GSE1: variants seen among roughly 807,000 people sequenced by gnomAD.
The protein encoded by GSE1 is genetic suppressor element 1.
In GSE1, 32 loss-of-function variants were observed where a neutral mutation model predicts 112.6. The ratio of observed to expected loss-of-function variants is 0.28; its 90% confidence interval spans 0.21 to 0.38. The LOEUF (loss-of-function observed/expected upper bound fraction) is 0.38. GSE1 is among the 10% of genes least tolerant of loss of function. GSE1 has a pLI of 1.00. For missense variants in GSE1, 2,348 were observed against 1,699.2 expected (o/e 1.38, Z -6.71); for synonymous variants, 1,115 against 735.6 (o/e 1.52, Z -8.35).
At chr16:85,526,861 G>A (rs576727115) in intron 2 of GSE1, among the ~76,000 whole-genome samples, 2 of 152,378 alleles carry the variant, frequency 1.3e-5, no homozygotes, top group South Asian at 4.1e-4. Context: ...CCAGGGAGCT[G>A]CTAGTGTATA....
rs184883009 is a variant in GSE1, at chr16:85,487,263, C to T, written c.2464+129620C>T. ...TCTGCATTTACAAAAATGACTGAGT[C>T]TGCCTTGCACTCACAGCCTTGCGTC... is the stretch of plus-strand genomic sequence containing the variant. On this transcript the variant is annotated intron_variant, in intron 2 of 2. Transcript: ENST00000637419. Among the ~76,000 whole-genome samples the T allele has an allele frequency of 2.1e-3, 325 of 152,334 alleles. 2 individuals carry two copies. The highest frequency in any genetic ancestry group is 7.6e-3 in the African/African-American group (317 of 41,572).
At chr16:85,383,738 A>T (rs1322192268) in intron 2 of GSE1, among the ~76,000 whole-genome samples, 1 of 152,064 alleles carries the variant, frequency 6.6e-6, no homozygotes, top group Non-Finnish European at 1.5e-5. Flanking sequence ...CTGGCTCGTG[A>T]GGGTGGCTGA....
intron 2 of GSE1, among the ~76,000 whole-genome samples, chr16:85,378,855 C>T (rs1185273144): frequency 1.3e-5 from 2 of 152,194 alleles, no homozygotes; most frequent in African/African-American, 4.8e-5. Flanking sequence ...TGCTGTTGCT[C>T]CCTCTCCTCC....
chr16:85,622,812 A>G (rs1187818261), intron 1 of GSE1, among the ~76,000 whole-genome samples: 1 of 152,126 alleles, frequency 6.6e-6, no homozygotes, highest in Non-Finnish European at 1.5e-5. Flanking sequence ...TCTTTCTGTT[A>G]CACCCTCATG....
intron 1 of GSE1, among the ~76,000 whole-genome samples, chr16:85,247,794 A>T (rs1413921657): frequency 6.6e-6 from 1 of 152,148 alleles, no homozygotes; most frequent in Non-Finnish European, 1.5e-5. Flanking sequence ...CACATGGGGG[A>T]CATGCCAGGG....
chr16:85,461,086 C>A (rs954240421), intron 2 of GSE1, among the ~76,000 whole-genome samples: 1 of 152,358 alleles, frequency 6.6e-6, no homozygotes, highest in Non-Finnish European at 1.5e-5. Context: ...GCACCTGCTT[C>A]GGGCAAGCCC....
intron 1 of GSE1, chr16:85,580,151 T>C (rs2046389858): frequency 6.6e-6 from 1 of 152,314 alleles, no homozygotes; most frequent in African/African-American, 2.4e-5. Context: ...AGAACAGCAG[T>C]GCAGAGGCCC....
At chr16:85,554,220 T>C (rs2045080387), upstream of GSE1, among the ~76,000 whole-genome samples, 1 of 152,110 alleles carries the variant, frequency 6.6e-6, no homozygotes, top group South Asian at 2.1e-4. Flanking sequence ...GGCTGGACAA[T>C]GAGCGCACAG....
At chr16:85,456,399 C>G (rs937803412) in intron 2 of GSE1, among the ~76,000 whole-genome samples, 5 of 152,130 alleles carry the variant, frequency 3.3e-5, no homozygotes, top group Admixed American at 2.6e-4. Flanking sequence ...GCTCAGCCAT[C>G]TCTACCACCC....
upstream of GSE1, chr16:85,555,226 T>C (rs1409711695): frequency 6.1e-6 from 6 of 985,376 alleles, no homozygotes; most frequent in Non-Finnish European, 7.2e-6. Context: ...GATTCTTGCA[T>C]GAAAATTGAT....
chr16:85,626,705 G>C (rs1237336779), intron 1 of GSE1, among the ~76,000 whole-genome samples: 1 of 152,220 alleles, frequency 6.6e-6, no homozygotes, highest in African/African-American at 2.4e-5. Context: ...AGAGCACAGA[G>C]GGAGCAGGCC....
At chr16:85,289,274 C>G (rs545084514) in intron 1 of GSE1, among the ~76,000 whole-genome samples, 1 of 152,160 alleles carries the variant, frequency 6.6e-6, no homozygotes. Flanking sequence ...TTGGCCTCCC[C>G]TCCAATGCTG....
At chr16:85,327,605 A>AAAAAC (rs1455386445) in intron 1 of GSE1, among the ~76,000 whole-genome samples, 3 of 152,314 alleles carry the variant, frequency 2.0e-5, no homozygotes, top group Non-Finnish European at 4.4e-5. Flanking sequence ...TCTGTCTCAG[A>AAAAAC]AAAACAAAAC....
chr16:85,205,967 A>C (rs2075107727), intron 1 of GSE1, among the ~76,000 whole-genome samples: 1 of 152,224 alleles, frequency 6.6e-6, no homozygotes, highest in Non-Finnish European at 1.5e-5. Context: ...CGGAGCTTCC[A>C]GTCTGGTGGG....
chr16:85,529,294 G>C (rs28528954), intron 2 of GSE1, among the ~76,000 whole-genome samples: 1 of 152,208 alleles, frequency 6.6e-6, no homozygotes, highest in African/African-American at 2.4e-5. Context: ...AGCGAGCAGC[G>C]GCCCAGGAGA....
intron 1 of GSE1, among the ~76,000 whole-genome samples, chr16:85,235,323 C>A (rs1904483403): frequency 6.6e-6 from 1 of 151,596 alleles, no homozygotes; most frequent in Admixed American, 6.6e-5. Flanking sequence ...GCTCCCCAGG[C>A]GAAGAGGGGT....
chr16:85,402,983 G>A (rs10163269), intron 2 of GSE1, among the ~76,000 whole-genome samples: 79,191 of 151,698 alleles, frequency 0.52, 22,036 homozygotes, highest in East Asian at 0.86. Flanking sequence ...CAGCATGTGC[G>A]GGTCAGGGAT....
At chr16:85,310,196 C>T (rs2151479561) in intron 1 of GSE1, among the ~76,000 whole-genome samples, 1 of 152,304 alleles carries the variant, frequency 6.6e-6, no homozygotes, top group African/African-American at 2.4e-5. Flanking sequence ...CACGCCCTGA[C>T]CCAGCCTGCC....
chr16:85,347,804 T>C (rs1355200502), intron 1 of GSE1, among the ~76,000 whole-genome samples: 6 of 152,156 alleles, frequency 3.9e-5, no homozygotes, highest in Non-Finnish European at 5.9e-5. Context: ...GCCACAAGCT[T>C]CCGCTCTAGG....
Sources: gnomAD v4.1 joint callset for allele counts (sites outside exome capture counted in the v4.1 genomes callset) on GRCh38, gnomAD v4.1.1 for gene constraint, MANE v1.5 for transcripts, NCBI Gene and HGNC (gene_info 2026-07-23, HGNC 2026-07-21) for gene names.